RPS6KC1: variants seen among roughly 807,000 people sequenced by gnomAD.
The protein encoded by RPS6KC1 is ribosomal protein S6 kinase C1, also known as inactive ribosomal protein S6 kinase delta-1.
Under a neutral mutation model 103.8 loss-of-function variants are expected in RPS6KC1, and 54 were observed. The observed-to-expected ratio is 0.52, with a 90% CI of 0.42 to 0.65. The LOEUF is 0.65. RPS6KC1 is among the 30% of genes least tolerant of loss of function. The pLI is 0.00. For synonymous variants in RPS6KC1, 439 were observed against 438.7 expected, an observed-to-expected ratio of 1.00 and a Z score of -0.01; for missense variants, 1,151 against 1,253.8, an observed-to-expected ratio of 0.92 and a Z score of 1.24.
chr1:213,226,412 A>G lies in RPS6KC1; in HGVS notation c.1045-4085A>G, dbSNP rs559301553. Among the ~76,000 whole-genome samples, 87 of 152,248 alleles carry G rather than the reference A, an allele frequency of 5.7e-4. 3 individuals are homozygous for G. The South Asian group carries it at 0.018, about 31-fold the overall frequency. The stretch of plus-strand genomic sequence containing the variant: ...TCTTAAAGTTCACAAATGTGTTTTC[A>G]TGTTTTGGAGGCTCAAGATTTGTGT... On this transcript the variant is annotated intron_variant, in intron 8 of 14. Transcript: ENST00000366960.
the RPS6KC1 span, among the ~76,000 whole-genome samples, chr1:213,848,763 C>A: frequency 2.6e-5 from 4 of 151,962 alleles, no homozygotes; most frequent in African/African-American, 9.7e-5. Flanking sequence ...CTAATATTTT[C>A]TTTTTGATTT....
the RPS6KC1 span, among the ~76,000 whole-genome samples, chr1:213,624,729 A>G: frequency 6.6e-6 from 1 of 152,172 alleles, no homozygotes; most frequent in Non-Finnish European, 1.5e-5. Flanking sequence ...TGTGGTGCTC[A>G]GGATCCCTCT....
At chr1:213,139,466 T>C (rs2086766203) in intron 6 of RPS6KC1, among the ~76,000 whole-genome samples, 1 of 152,124 alleles carries the variant, frequency 6.6e-6, no homozygotes, top group Non-Finnish European at 1.5e-5. Context: ...AGGGTCTTTA[T>C]AGTCTTAGGT....
the RPS6KC1 span, among the ~76,000 whole-genome samples, chr1:213,750,979 CTAAG>C: frequency 6.6e-6 from 1 of 152,144 alleles, no homozygotes; most frequent in African/African-American, 2.4e-5. Context: ...AGTGAAGGAA[CTAAG>C]TAATAATAAA....
At chr1:213,596,978 C>T in the RPS6KC1 span, among the ~76,000 whole-genome samples, 3 of 152,288 alleles carry the variant, frequency 2.0e-5, no homozygotes, top group Admixed American at 6.5e-5. Context: ...AGACATTTCT[C>T]GAAGGGCAGC....
chr1:213,224,793 A>G (rs2093920017), intron 8 of RPS6KC1, among the ~76,000 whole-genome samples: 1 of 152,186 alleles, frequency 6.6e-6, no homozygotes, highest in African/African-American at 2.4e-5. Context: ...AGATTGGCCT[A>G]CTGTTGGCAT....
the RPS6KC1 span, among the ~76,000 whole-genome samples, chr1:213,861,181 T>C: frequency 1.3e-5 from 2 of 152,154 alleles, no homozygotes; most frequent in South Asian, 4.1e-4. Context: ...GACTTGATCT[T>C]AGATGAGTTT....
At chr1:213,833,008 C>A in the RPS6KC1 span, among the ~76,000 whole-genome samples, 8 of 152,106 alleles carry the variant, frequency 5.3e-5, no homozygotes, top group Non-Finnish European at 1.0e-4. Flanking sequence ...AAACAAGAGG[C>A]CCCAGACCCT....
chr1:213,065,399 C>T (rs1198185649), intron 1 of RPS6KC1, among the ~76,000 whole-genome samples: 1 of 152,142 alleles, frequency 6.6e-6, no homozygotes, highest in Non-Finnish European at 1.5e-5. Context: ...GTTGCTAGCT[C>T]AGTTTTATTT....
the RPS6KC1 span, among the ~76,000 whole-genome samples, chr1:213,310,551 T>C: frequency 1.3e-5 from 2 of 152,204 alleles, no homozygotes; most frequent in Admixed American, 1.3e-4. Context: ...ATCACCCTTT[T>C]CTACTTAATT....
the RPS6KC1 span, among the ~76,000 whole-genome samples, chr1:213,465,648 AT>A: frequency 1.3e-5 from 2 of 152,130 alleles, no homozygotes; most frequent in Non-Finnish European, 2.9e-5. Context: ...GTTCACTCCC[AT>A]TTTTTTAATT....
the RPS6KC1 span, among the ~76,000 whole-genome samples, chr1:213,686,566 G>A: frequency 6.6e-6 from 1 of 152,130 alleles, no homozygotes; most frequent in African/African-American, 2.4e-5. Flanking sequence ...TAATTTTTGA[G>A]CACTTATCTG....
chr1:213,199,947 A>G (rs1427764866), intron 8 of RPS6KC1, among the ~76,000 whole-genome samples: 1 of 152,204 alleles, frequency 6.6e-6, no homozygotes, highest in East Asian at 1.9e-4. Context: ...AAAGATCTCT[A>G]CAAGGAGAAC....
the RPS6KC1 span, among the ~76,000 whole-genome samples, chr1:213,301,792 G>T: frequency 6.6e-6 from 1 of 151,696 alleles, no homozygotes; most frequent in Non-Finnish European, 1.5e-5. Flanking sequence ...CTAGAGTGTA[G>T]TGGCACGATC....
chr1:213,570,995 A>G, the RPS6KC1 span, among the ~76,000 whole-genome samples: 10 of 152,232 alleles, frequency 6.6e-5, no homozygotes, highest in African/African-American at 2.4e-4. Flanking sequence ...TGACAGCAGA[A>G]TACGTTAAAT....
chr1:213,232,212 C>A lies in RPS6KC1; in HGVS notation c.1182C>A (p.Ile394=). Reference sequence around the variant, plus strand: ...ACATGGTGTGTCTGCATAAGTACATCATCTCTGAGGAGTCAGTATTTCTTG... The same window carrying A: ...ACATGGTGTGTCTGCATAAGTACATAATCTCTGAGGAGTCAGTATTTCTTG... The part of the protein sequence containing the change: ...VPNMVCLHKY[I]ISEESVFLVL... Residue 394 remains isoleucine (I), a synonymous_variant, in exon 10 of 15, where the codon ATC becomes ATA. Coordinates refer to ENST00000366960, the MANE Select transcript of RPS6KC1 (RefSeq NM_012424.6). 6.2e-7 allele frequency: 1 copy of A among 1,614,046 alleles called. No homozygotes were observed. The highest frequency in any genetic ancestry group is 8.5e-7 in the Non-Finnish European group (1 of 1,179,904).
At chr1:213,138,245 C>G (rs963672295) in intron 6 of RPS6KC1, among the ~76,000 whole-genome samples, 1 of 151,400 alleles carries the variant, frequency 6.6e-6, no homozygotes, top group African/African-American at 2.4e-5. Flanking sequence ...ACAGGCTTAC[C>G]TTGTTTTGTT....
At chr1:213,258,294 C>T (rs945453087) in intron 12 of RPS6KC1, among the ~76,000 whole-genome samples, 22 of 152,012 alleles carry the variant, frequency 1.4e-4, no homozygotes, top group African/African-American at 2.9e-4. Context: ...AGTAGAGATG[C>T]GGTTTCGCCA....
intron 7 of RPS6KC1, 56 bp downstream of exon 7, chr1:213,168,029 C>T (rs2091151835): frequency 1.9e-6 from 2 of 1,064,776 alleles, no homozygotes; most frequent in Non-Finnish European, 1.4e-6. Flanking sequence ...TGTCTGGTCT[C>T]TCTGCTTTAT....
Sources: gnomAD v4.1 joint callset for allele counts (sites outside exome capture counted in the v4.1 genomes callset) on GRCh38, gnomAD v4.1.1 for gene constraint, MANE v1.5 for transcripts, NCBI Gene and HGNC (gene_info 2026-07-23, HGNC 2026-07-21) for gene names.